Variants in ANK2 observed in about 807,000 individuals in gnomAD.
ANK2 encodes ankyrin-2.
ANK2 carries 83 observed loss-of-function variants against 360.5 expected under a neutral mutation model. The observed-to-expected ratio is 0.23, with a 90% confidence interval of 0.19 to 0.28. ANK2 has a LOEUF of 0.28. ANK2 is among the 10% of genes least tolerant of loss of function. The pLI, the probability that ANK2 is intolerant of heterozygous loss-of-function variation, is 1.00. For synonymous variants in ANK2, 1,740 were observed against 1,759.5 expected (o/e 0.99, Z 0.28); for missense variants, 4,201 against 4,795.7 (o/e 0.88, Z 3.66).
At chr4:112,944,342 T>C (rs1331168024) in intron 2 of ANK2, among the ~76,000 whole-genome samples, 1 of 152,196 alleles carries the variant, frequency 6.6e-6, no homozygotes, top group Non-Finnish European at 1.5e-5. Flanking sequence ...AATTTTGCAG[T>C]TGACAGAACT....
intron 18 of ANK2, among the ~76,000 whole-genome samples, chr4:113,285,609 T>C (rs2064159139): frequency 6.6e-6 from 1 of 152,080 alleles, no homozygotes; most frequent in African/African-American, 2.4e-5. Context: ...ATGCCCTTCC[T>C]GGGTGCACCA....
At chr4:113,246,292 C>T (rs1336150787) in intron 9 of ANK2, among the ~76,000 whole-genome samples, 3 of 152,128 alleles carry the variant, frequency 2.0e-5, no homozygotes, top group African/African-American at 4.8e-5. Flanking sequence ...TCTAGAGAGG[C>T]TTTCAGATAA....
intron 32 of ANK2, among the ~76,000 whole-genome samples, chr4:113,340,840 C>T (rs1223001683): frequency 7.1e-6 from 1 of 140,496 alleles, no homozygotes; most frequent in Non-Finnish European, 1.5e-5. Flanking sequence ...CAGAGCGAGA[C>T]AACGTCTCAA....
intron 4 of ANK2, among the ~76,000 whole-genome samples, chr4:113,213,657 G>A (rs1018753476): frequency 1.2e-4 from 18 of 152,192 alleles, no homozygotes; most frequent in South Asian, 4.2e-4. Flanking sequence ...GAATCAGCCC[G>A]ATATTCCTAG....
At chr4:113,028,544 T>A (rs901782658) in intron 2 of ANK2, among the ~76,000 whole-genome samples, 1 of 152,098 alleles carries the variant, frequency 6.6e-6, no homozygotes, top group South Asian at 2.1e-4. Context: ...AGCACTACAA[T>A]AGAGACATGT....
At chr4:112,811,842 C>T in the ANK2 span, among the ~76,000 whole-genome samples, 2 of 152,086 alleles carry the variant, frequency 1.3e-5, no homozygotes, top group East Asian at 1.9e-4. Context: ...TTTGGGAGGC[C>T]GAGACGGGCG....
intron 2 of ANK2, among the ~76,000 whole-genome samples, chr4:112,956,318 T>C (rs1197775579): frequency 6.6e-6 from 1 of 152,256 alleles, no homozygotes; most frequent in Non-Finnish European, 1.5e-5. Context: ...AGAACATTTA[T>C]AGATCTTAGC....
chr4:113,147,967 C>T (rs924011080), intron 1 of ANK2, among the ~76,000 whole-genome samples: 1 of 152,128 alleles, frequency 6.6e-6, no homozygotes, highest in Non-Finnish European at 1.5e-5. Context: ...CATTATTTTT[C>T]CATGTTCATG....
At chr4:112,984,180 A>G (rs1399998110) in intron 2 of ANK2, among the ~76,000 whole-genome samples, 2 of 152,234 alleles carry the variant, frequency 1.3e-5, no homozygotes, top group African/African-American at 4.8e-5. Context: ...ACTGTATAAA[A>G]TGGAAATTAG....
At chr4:112,716,846 A>T in the ANK2 span, among the ~76,000 whole-genome samples, 1 of 152,122 alleles carries the variant, frequency 6.6e-6, no homozygotes. Context: ...AGTAAACCTT[A>T]CTCCAAAACA....
chr4:113,312,466 T>C (rs539397259), intron 24 of ANK2, among the ~76,000 whole-genome samples: 336 of 152,204 alleles, frequency 2.2e-3, no homozygotes, highest in African/African-American at 7.7e-3. Flanking sequence ...CAAACTTTTC[T>C]TGGGCTTTTT....
rs754804134 is a variant in ANK2 at position 113,356,793 on chromosome 4, T to C, written c.8175T>C (p.Asp2725=). The part of the protein sequence containing the change: ...SKQYTFKMNE[D]TQEEPGKSEE... ...AATATACTTTCAAGATGAATGAAGATACTCAGGAAGAGCCAGGCAAATCAG... is the reference window on the plus strand; with the variant it reads ...AATATACTTTCAAGATGAATGAAGACACTCAGGAAGAGCCAGGCAAATCAG... Residue 2725 remains aspartate, a synonymous_variant, in exon 38 of 46, where the codon GAT becomes GAC. Transcript: ENST00000357077. The C allele has an allele frequency of 2.5e-6, 4 of 1,614,076 alleles. No individual in the cohort carries two copies. In the Admixed American group the frequency reaches 5.0e-5, roughly 20 times the overall value.
chr4:112,842,273 G>A (rs936236509), intron 1 of ANK2, among the ~76,000 whole-genome samples: 13 of 152,198 alleles, frequency 8.5e-5, no homozygotes, highest in Non-Finnish European at 1.9e-4. Flanking sequence ...GCCTCCCAAA[G>A]TGCTGGGATT....
At chr4:112,859,404 T>C (rs1031046455) in intron 1 of ANK2, among the ~76,000 whole-genome samples, 7 of 152,108 alleles carry the variant, frequency 4.6e-5, no homozygotes, top group African/African-American at 1.7e-4. Flanking sequence ...CTGCTATTCT[T>C]ACGTGGTTCC....
At chr4:113,351,135 GC>G (rs2095388267) in intron 37 of ANK2, among the ~76,000 whole-genome samples, 1 of 151,908 alleles carries the variant, frequency 6.6e-6, no homozygotes, top group Admixed American at 6.6e-5. Flanking sequence ...CTGCTTTTGT[GC>G]CCCAAATGCT....
intron 1 of ANK2, among the ~76,000 whole-genome samples, chr4:112,822,261 A>C (rs1170136274): frequency 2.0e-5 from 3 of 148,032 alleles, no homozygotes; most frequent in Non-Finnish European, 4.5e-5. Flanking sequence ...AAAAAAAAAA[A>C]ACAAAAATTA....
chr4:112,754,552 A>G, the ANK2 span, among the ~76,000 whole-genome samples: 1 of 150,244 alleles, frequency 6.7e-6, no homozygotes, highest in Non-Finnish European at 1.5e-5. Context: ...ACTTTTAATG[A>G]GTTCCAGGGG....
intron 1 of ANK2, among the ~76,000 whole-genome samples, chr4:112,844,706 G>A (rs920212229): frequency 1.3e-5 from 2 of 152,238 alleles, no homozygotes; most frequent in Non-Finnish European, 2.9e-5. Flanking sequence ...AGTGAGCCTA[G>A]TTCTTAAAAA....
chr4:113,079,416 A>T (rs1304102503), intron 1 of ANK2, among the ~76,000 whole-genome samples: 3 of 152,196 alleles, frequency 2.0e-5, no homozygotes, highest in Non-Finnish European at 4.4e-5. Context: ...ACTCATTCAG[A>T]TAGAATTGCC....
Sources: allele counts gnomAD v4.1 joint callset (sites outside exome capture counted in the v4.1 genomes callset), GRCh38; gene constraint gnomAD v4.1.1; transcripts MANE v1.5; gene names NCBI Gene and HGNC (gene_info 2026-07-23, HGNC 2026-07-21).